The following DPP6 variants were observed in gnomAD, a reference collection of about 807,000 sequenced individuals.
DPP6 encodes the protein A-type potassium channel modulatory protein DPP6.
In DPP6, 69 loss-of-function variants were observed where a neutral mutation model predicts 122.6. The ratio of observed to expected loss-of-function variants is 0.56; its 90% CI spans 0.46 to 0.69. The LOEUF (loss-of-function observed/expected upper bound fraction) is 0.69, where lower values mean the gene tolerates loss of function less well. Ranked by LOEUF, DPP6 falls within the 30% of genes least tolerant of loss-of-function variation. DPP6 has a pLI of 0.00. For synonymous variants in DPP6, 418 were observed against 433.1 expected (o/e 0.97, Z 0.43); for missense variants, 928 against 1,116.9 (o/e 0.83, Z 2.41).
rs1257606969 is a variant in DPP6, at chr7:154,560,024, C to A, written c.553-6818C>A. Among the ~76,000 whole-genome samples, 8 of 149,452 alleles carry A rather than the reference C, an allele frequency of 5.4e-5. No individual in the cohort carries two copies. The South Asian group carries it at 1.7e-3, about 31-fold the overall frequency. ...AAAGATATATATTTTCAGAGAAAAT[C>A]AGACAGTATTTATTGGCCATAAACC... On this transcript the variant is annotated intron_variant, in intron 4 of 25. Coordinates refer to ENST00000377770, the MANE Select transcript of DPP6 (RefSeq NM_130797.4).
chr7:154,557,332 G>T (rs553021824), intron 4 of DPP6, among the ~76,000 whole-genome samples: 1 of 152,258 alleles, frequency 6.6e-6, no homozygotes, highest in Admixed American at 6.5e-5. Context: ...GTTAGCAATT[G>T]ACCCTCCATC....
At chr7:153,829,786 G>A in the DPP6 span, among the ~76,000 whole-genome samples, 1 of 152,166 alleles carries the variant, frequency 6.6e-6, no homozygotes, top group Non-Finnish European at 1.5e-5. Context: ...GTCCAACAGG[G>A]AGCCGGAACT....
At chr7:153,875,510 A>T in the DPP6 span, among the ~76,000 whole-genome samples, 3 of 152,154 alleles carry the variant, frequency 2.0e-5, no homozygotes, top group South Asian at 2.1e-4. Flanking sequence ...CTTGATAAAT[A>T]ATAGCACAAA....
intron 8 of DPP6, among the ~76,000 whole-genome samples, chr7:154,740,854 C>T (rs1422618014): frequency 3.3e-5 from 5 of 152,152 alleles, no homozygotes; most frequent in African/African-American, 1.2e-4. Flanking sequence ...TCTGATAAAC[C>T]TTCTCCTTAT....
intron 1 of DPP6, among the ~76,000 whole-genome samples, chr7:154,339,146 G>C (rs1809693585): frequency 6.6e-6 from 1 of 152,228 alleles, no homozygotes; most frequent in Non-Finnish European, 1.5e-5. Context: ...AACATTCATA[G>C]ACTGTAGGAA....
chr7:154,280,462 C>T (rs903556423), intron 1 of DPP6, among the ~76,000 whole-genome samples: 2 of 152,162 alleles, frequency 1.3e-5, no homozygotes, highest in Non-Finnish European at 2.9e-5. Flanking sequence ...CTTCCATCTT[C>T]GACTTCTTTA....
chr7:154,345,401 A>G (rs1380553790), intron 1 of DPP6, among the ~76,000 whole-genome samples: 2 of 152,144 alleles, frequency 1.3e-5, no homozygotes, highest in African/African-American at 2.4e-5. Flanking sequence ...ACTTGCAAAT[A>G]ATTTCACTGC....
chr7:154,025,072 C>T (rs1209101451), intron 1 of DPP6, among the ~76,000 whole-genome samples: 2 of 152,162 alleles, frequency 1.3e-5, no homozygotes, highest in African/African-American at 4.8e-5. Context: ...AAAATAGTGT[C>T]AATTCTAGAA....
intron 1 of DPP6, among the ~76,000 whole-genome samples, chr7:154,244,169 G>C (rs62484157): frequency 6.6e-6 from 1 of 151,960 alleles, no homozygotes; most frequent in African/African-American, 2.4e-5. Context: ...GAAAAGACAC[G>C]TTATATACAA....
At chr7:154,278,584 C>T (rs1250646467) in intron 1 of DPP6, among the ~76,000 whole-genome samples, 1 of 152,222 alleles carries the variant, frequency 6.6e-6, no homozygotes, top group South Asian at 2.1e-4. Context: ...ATAGGTGGTG[C>T]AACTTTTAAC....
chr7:153,926,658 CCCAAGAATGTGTCTTTGT>C (rs1800913965), intron 1 of DPP6, among the ~76,000 whole-genome samples: 2 of 151,654 alleles, frequency 1.3e-5, no homozygotes, highest in East Asian at 3.9e-4. Context: ...ATGCAAAGAA[CCCAAGAATGTGTCTTTGT>C]AACAAAAACT....
chr7:153,793,104 C>A, the DPP6 span, among the ~76,000 whole-genome samples: 14 of 152,038 alleles, frequency 9.2e-5, no homozygotes, highest in Non-Finnish European at 5.9e-5. Flanking sequence ...GATACCAGTA[C>A]ATTGGGGCAT....
Position 154,875,454 on chromosome 7 carries a change from C to T in DPP6, c.1884-452C>T, listed in dbSNP as rs187975820. The stretch of plus-strand genomic sequence containing the variant: ...TTCCGACTTAACAAGAGACAGACCA[C>T]GTCTTCAAGCCAGGGATGTGGCTAG... On this transcript the variant is annotated intron_variant, in intron 19 of 25. Transcript: ENST00000377770. The surrounding 1 kb of genome is among the most constrained non-coding windows in gnomAD (Gnocchi z 4.5). Among the ~76,000 whole-genome samples the T allele has an allele frequency of 3.4e-4, 52 of 152,318 alleles. No homozygotes were observed. Among genetic ancestry groups the T allele is most frequent in the African/African-American group, 1.1e-3 (47 of 41,580 alleles).
intron 1 of DPP6, among the ~76,000 whole-genome samples, chr7:153,904,457 T>G (rs1799765088): frequency 6.6e-6 from 1 of 152,084 alleles, no homozygotes; most frequent in African/African-American, 2.4e-5. Context: ...CGGGAGAGGG[T>G]AAACCTGAAT....
intron 5 of DPP6, among the ~76,000 whole-genome samples, chr7:154,626,330 AAC>A (rs1436403741): frequency 2.0e-5 from 3 of 152,238 alleles, no homozygotes; most frequent in Non-Finnish European, 4.4e-5. Flanking sequence ...CATATTTGGA[AAC>A]ACAGTTGAAA....
chr7:154,133,463 G>A (rs1284757174), intron 1 of DPP6, among the ~76,000 whole-genome samples: 5 of 152,230 alleles, frequency 3.3e-5, no homozygotes, highest in Admixed American at 2.0e-4. Flanking sequence ...CCATCCTCAG[G>A]GCTCAAGAGC....
chr7:154,275,473 C>T (rs1739577600), intron 1 of DPP6, among the ~76,000 whole-genome samples: 1 of 152,220 alleles, frequency 6.6e-6, no homozygotes, highest in Non-Finnish European at 1.5e-5. Context: ...CGGGGCCTCT[C>T]CTTTAAGGAT....
At chr7:153,933,001 C>T (rs926409944) in intron 1 of DPP6, among the ~76,000 whole-genome samples, 12 of 152,264 alleles carry the variant, frequency 7.9e-5, no homozygotes, top group Admixed American at 7.8e-4. Flanking sequence ...GGGAGTTCCC[C>T]TGCACACGCT....
At chr7:154,420,920 A>G (rs1817418659) in intron 1 of DPP6, among the ~76,000 whole-genome samples, 1 of 152,200 alleles carries the variant, frequency 6.6e-6, no homozygotes, top group South Asian at 2.1e-4. Context: ...CAATGCTGGC[A>G]TTTTGCACTT....
Sources: gnomAD v4.1 joint callset for allele counts (sites outside exome capture counted in the v4.1 genomes callset) on GRCh38, gnomAD v4.1.1 for gene constraint, Gnocchi (gnomAD v3.1) non-coding constraint, MANE v1.5 for transcripts, NCBI Gene and HGNC (gene_info 2026-07-23, HGNC 2026-07-21) for gene names.